The following FBRSL1 variants were observed in gnomAD, a reference collection of about 807,000 sequenced individuals.
The protein encoded by FBRSL1 is fibrosin like 1.
FBRSL1 carries 51 observed loss-of-function variants against 89.6 expected under a neutral mutation model. That is an observed-to-expected ratio of 0.57 (90% CI 0.45 to 0.72). The LOEUF (loss-of-function observed/expected upper bound fraction) is 0.72, where lower values mean the gene tolerates loss of function less well. FBRSL1 is among the 30% of genes least tolerant of loss of function. FBRSL1 has a pLI of 0.00. For synonymous variants in FBRSL1, 779 were observed against 681.1 expected (o/e 1.14, Z -2.24); for missense variants, 1,618 against 1,451.8 (o/e 1.11, Z -1.86).
At chr12:132,577,044 T>C (rs2040425901) in intron 15 of FBRSL1, 113 bp downstream of exon 15, 1 of 1,388,054 alleles carries the variant, frequency 7.2e-7, no homozygotes, top group Non-Finnish European at 9.6e-7. Context: ...AGCACCAGCC[T>C]TTGCTTCTTG....
At chr12:132,498,709 G>A (rs1002907986) in intron 1 of FBRSL1, among the ~76,000 whole-genome samples, 1 of 152,250 alleles carries the variant, frequency 6.6e-6, no homozygotes, top group African/African-American at 2.4e-5. Context: ...CCCTGCGTGG[G>A]CCTTGCAGAG....
chr12:132,509,536 A>G, intron 2 of FBRSL1: 3 of 1,234,020 alleles, frequency 2.4e-6, no homozygotes, highest in Non-Finnish European at 3.0e-6. Context: ...GGCCCCAGGC[A>G]GTGCTGCAGG....
intron 2 of FBRSL1, chr12:132,510,842 C>T: frequency 2.8e-6 from 3 of 1,070,246 alleles, no homozygotes; most frequent in Non-Finnish European, 3.4e-6. Context: ...CAGCGTCTTT[C>T]TGTGCCTCTG....
chr12:132,518,281 C>T (rs114663237), intron 2 of FBRSL1, among the ~76,000 whole-genome samples: 1,807 of 148,518 alleles, frequency 0.012, 33 homozygotes, highest in African/African-American at 0.042. Context: ...CATGCATCTA[C>T]CCATGCATCC....
Position 132,583,592 on chromosome 12 carries a change from G to T in FBRSL1, c.2823G>T (p.Gly941=), listed in dbSNP as rs1441210528. 39 of 995,288 alleles carry T rather than the reference G, an allele frequency of 3.9e-5. No individual in the cohort carries two copies. The highest frequency in any genetic ancestry group is 6.2e-5 in the Admixed American group (1 of 16,076). The allele number at this position is 995,288 out of a possible 1,614,324, so 61.7% of individuals were successfully genotyped here. A position where few individuals can be genotyped will look rare whatever the true frequency, so the allele number is the denominator to read the frequency against. Residue 941 remains glycine, a synonymous_variant, in exon 19 of 19, where the codon GGG becomes GGT. Transcript: ENST00000680143. ...PRLSPAALHN[G]LLARTPPAAA... ...TCTCGCCCGCCGCGCTGCACAATGG[G>T]CTCCTGGCGCGGACCCCGCCCGCCG... is the stretch of plus-strand genomic sequence containing the variant.
Position 132,583,169 on chromosome 12 carries a change from A to G in FBRSL1, c.2400A>G (p.Ala800=). Residue 800 remains alanine, a synonymous_variant, in exon 19 of 19, where the codon GCA becomes GCG. Coordinates refer to ENST00000680143, the MANE Select transcript of FBRSL1 (RefSeq NM_001367871.1). ...KEEAAKMPAR[A]SPPHSKAAPG... ...AGGCCGCCAAGATGCCCGCGCGCGCATCCCCGCCCCACAGCAAGGCGGCCC... is the reference window on the plus strand; with the variant it reads ...AGGCCGCCAAGATGCCCGCGCGCGCGTCCCCGCCCCACAGCAAGGCGGCCC... 6.9e-7 allele frequency: 1 copy of G among 1,457,400 alleles called. No individual in the cohort carries two copies. Among genetic ancestry groups the G allele is most frequent in the Middle Eastern group, 2.4e-4 (1 of 4,208 alleles). 90.3% of individuals were successfully genotyped at this position (1,457,400 alleles called of 1,614,324 possible).
intron 2 of FBRSL1, chr12:132,509,405 G>T (rs1360884339): frequency 4.4e-5 from 55 of 1,242,566 alleles, no homozygotes; most frequent in Non-Finnish European, 5.4e-5. Context: ...AGCCCCGGCG[G>T]TCACTTCTGG....
rs918563651 is a variant in FBRSL1 at position 132,546,245 on chromosome 12, G to A, written c.616-1758G>A. ...CCAAGGCCCGCCCATATCACAGCAG[G>A]GGAGATGGAGGACTCAGAGGCCCAG... On this transcript the variant is annotated intron_variant, in intron 4 of 18. Coordinates refer to ENST00000680143, the MANE Select transcript of FBRSL1 (RefSeq NM_001367871.1). This position sits in a 1 kb window ranked among gnomAD's most constrained non-coding sequence, Gnocchi z 4.0. Among the ~76,000 whole-genome samples, 4 of 152,238 alleles carry A rather than the reference G, an allele frequency of 2.6e-5. No individual in the cohort carries two copies. The highest frequency in any genetic ancestry group is 5.9e-5 in the Non-Finnish European group (4 of 68,036).
chr12:132,564,215 GC>G (rs2039397762), intron 5 of FBRSL1, among the ~76,000 whole-genome samples: 2 of 152,110 alleles, frequency 1.3e-5, no homozygotes, highest in African/African-American at 4.8e-5. Flanking sequence ...CTTCACCCCA[GC>G]CCCACACCAG....
At chr12:132,506,399 G>A (rs2033686631) in intron 1 of FBRSL1, among the ~76,000 whole-genome samples, 2 of 152,212 alleles carry the variant, frequency 1.3e-5, no homozygotes, top group African/African-American at 4.8e-5. Flanking sequence ...GCGGGCCTGG[G>A]GGAGCGTCTG....
At chr12:132,574,236 A>G (rs1485191823) in intron 12 of FBRSL1, 78 bp downstream of exon 12, 5 of 1,446,660 alleles carry the variant, frequency 3.5e-6, no homozygotes, top group Admixed American at 2.8e-5. Context: ...TGGTGGCCAC[A>G]GCAGACGGGC....
chr12:132,543,282 G>GA (rs1366981508), intron 4 of FBRSL1, among the ~76,000 whole-genome samples: 1 of 152,254 alleles, frequency 6.6e-6, no homozygotes, highest in African/African-American at 2.4e-5. Flanking sequence ...AACAGGCTCG[G>GA]AGAAACGAAG....
intron 4 of FBRSL1, 85 bp downstream of exon 4, chr12:132,528,073 A>G: frequency 3.2e-6 from 4 of 1,253,464 alleles, no homozygotes; most frequent in Non-Finnish European, 3.4e-6. Context: ...GAGGCCCCAC[A>G]ACTTAGCTCA....
At chr12:132,492,241 G>T (rs2031149623) in intron 1 of FBRSL1, among the ~76,000 whole-genome samples, 1 of 152,206 alleles carries the variant, frequency 6.6e-6, no homozygotes, top group East Asian at 1.9e-4. Context: ...GAGCGGGTCA[G>T]CCCTTGTACC....
Position 132,582,064 on chromosome 12 carries a change from C to A in FBRSL1, c.1999C>A (p.Pro667Thr). The A allele has an allele frequency of 1.3e-6, 2 of 1,545,290 alleles. No individual in the cohort carries two copies. The highest frequency in any genetic ancestry group is 1.7e-6 in the Non-Finnish European group (2 of 1,143,932). ...FGGLGSHALA[P>T]GGSIFAPKEG... is the part of the protein sequence containing the mutation. ...TGCTCCCCGGCCTCTGCCCCCAGCTCCCGGTGGCAGCATCTTTGCCCCCAA... is the reference window on the plus strand; with the variant it reads ...TGCTCCCCGGCCTCTGCCCCCAGCTACCGGTGGCAGCATCTTTGCCCCCAA... The change falls in exon 18 of 19, where the codon CCC becomes ACC. Residue 667 changes from proline to threonine, a missense_variant and splice_region_variant. Pro to Thr is a conservative substitution (Grantham distance 38). Transcript: ENST00000680143.
chr12:132,576,350 G>T (rs565740442), intron 14 of FBRSL1, among the ~76,000 whole-genome samples: 1 of 151,904 alleles, frequency 6.6e-6, no homozygotes, highest in Non-Finnish European at 1.5e-5. Context: ...CCGCCACTGC[G>T]CCCAGCTAAT....
chr12:132,507,687 GTGTCACCTGGGGGAGCACTTCCTGTGGGC>G (rs1336855664), intron 1 of FBRSL1, among the ~76,000 whole-genome samples: 2 of 152,242 alleles, frequency 1.3e-5, no homozygotes, highest in African/African-American at 4.8e-5. Flanking sequence ...CTGGAATATG[GTGTCACCTGGGGGAGCACTTCCTGTGGGC>G]TGTCACCTGG....
chr12:132,548,132 G>A lies in FBRSL1; in HGVS notation c.645+100G>A, dbSNP rs1048424436. The A allele has an allele frequency of 3.4e-4, 471 of 1,393,142 alleles. 1 individual carries two copies. The highest frequency in any genetic ancestry group is 4.3e-5 in the African/African-American group (3 of 69,744). The allele number at this position is 1,393,142 out of a possible 1,614,324, so 86.3% of individuals were successfully genotyped here. On this transcript the variant is annotated intron_variant, in intron 5 of 18. Transcript: ENST00000680143. ...GGCCCTGGAGACCAGGCAGAAGATC[G>A]GGCCTTGGGGGGATCCCCCCGCCCG...
Position 132,574,124 on chromosome 12 carries a change from G to A in FBRSL1, c.1565G>A (p.Gly522Asp). ...CCCATTGAGGTGGCCCGCCGGGCTG[G>A]TGCGGTTCACACACTCCTGCAGAAA... ...SSPIEVARRA[G>D]AVHTLLQKAP... The change falls in exon 12 of 19, where the codon GGT becomes GAT. Residue 522 changes from glycine (G) to aspartate (D), a missense_variant. Gly to Asp is a moderately conservative substitution (Grantham distance 94). Coordinates refer to ENST00000680143, the MANE Select transcript of FBRSL1 (RefSeq NM_001367871.1). The A allele has an allele frequency of 2.9e-6, 4 of 1,373,440 alleles. No individual in the cohort carries two copies. The highest frequency in any genetic ancestry group is 3.5e-5 in the South Asian group (2 of 57,040). The allele number at this position is 1,373,440 out of a possible 1,614,324, so 85.1% of individuals were successfully genotyped here.
Sources: gnomAD v4.1 joint callset for allele counts (sites outside exome capture counted in the v4.1 genomes callset) on GRCh38, gnomAD v4.1.1 for gene constraint, Gnocchi (gnomAD v3.1) non-coding constraint, MANE v1.5 for transcripts, NCBI Gene and HGNC (gene_info 2026-07-23, HGNC 2026-07-21) for gene names.